Variants in ACACB observed in about 807,000 individuals in gnomAD.
ACACB encodes the protein acetyl-CoA carboxylase beta.
In ACACB, 209 loss-of-function variants were observed where a neutral mutation model predicts 278.8. The observed-to-expected ratio is 0.75, with a 90% CI of 0.67 to 0.84. The LOEUF (loss-of-function observed/expected upper bound fraction) is 0.84, where lower values mean the gene tolerates loss of function less well. Among genes scored for constraint, ACACB ranks in the 40% least tolerant of loss-of-function variants. The pLI, the probability that ACACB is intolerant of heterozygous loss-of-function variation, is 0.00. For missense variants in ACACB, 2,850 were observed against 3,269.0 expected, an observed-to-expected ratio of 0.87 and a Z score of 3.13; for synonymous variants, 1,174 against 1,285.6, an observed-to-expected ratio of 0.91 and a Z score of 1.86.
chr12:109,246,530 G>C (rs983042525), intron 39 of ACACB, 82 bp downstream of exon 39: 10 of 1,526,906 alleles, frequency 6.5e-6, no homozygotes, highest in Admixed American at 3.8e-5. Context: ...ACCTGCAAGA[G>C]GTGAAAAAAA....
intron 19 of ACACB, among the ~76,000 whole-genome samples, chr12:109,202,709 A>T (rs958846274): frequency 6.6e-6 from 1 of 152,160 alleles, no homozygotes; most frequent in Non-Finnish European, 1.5e-5. Context: ...ACCAATATCG[A>T]TATATTAGGT....
intron 19 of ACACB, among the ~76,000 whole-genome samples, chr12:109,205,750 G>A (rs981023773): frequency 3.3e-5 from 5 of 152,124 alleles, no homozygotes; most frequent in South Asian, 2.1e-4. Context: ...CACCGTGCCC[G>A]GCCAAGTCAT....
At chr12:109,228,412 G>A (rs1455238467) in intron 28 of ACACB, among the ~76,000 whole-genome samples, 1 of 151,668 alleles carries the variant, frequency 6.6e-6, no homozygotes, top group African/African-American at 2.4e-5. Context: ...CTAGCACTTC[G>A]GAGGGCTGAA....
At chr12:109,155,861 G>A (rs977462681) in intron 2 of ACACB, among the ~76,000 whole-genome samples, 1 of 152,114 alleles carries the variant, frequency 6.6e-6, no homozygotes, top group Non-Finnish European at 1.5e-5. Flanking sequence ...TTATTGGACT[G>A]CAGCCTGCTC....
intron 27 of ACACB, among the ~76,000 whole-genome samples, chr12:109,226,964 T>A (rs74401255): frequency 2.0e-5 from 3 of 151,636 alleles, no homozygotes; most frequent in Non-Finnish European, 4.4e-5. Flanking sequence ...TTTTTTTTTT[T>A]AATTGAGGAA....
chr12:109,183,535 T>C (rs2044550546), intron 11 of ACACB, among the ~76,000 whole-genome samples: 1 of 152,226 alleles, frequency 6.6e-6, no homozygotes, highest in African/African-American at 2.4e-5. Context: ...TTTATTTTGT[T>C]TGTAGCTATC....
At chr12:109,191,449 A>G in intron 13 of ACACB, 164 bp from the exon 14 acceptor site, 1 of 735,896 alleles carries the variant, frequency 1.4e-6, no homozygotes, top group South Asian at 1.8e-5. Flanking sequence ...CCTGACCTCA[A>G]GTAATACACC....
Position 109,250,015 on chromosome 12 carries a change from G to T in ACACB, c.5701G>T (p.Asp1901Tyr). The T allele has an allele frequency of 6.2e-7, 1 of 1,613,582 alleles. No homozygotes were observed. The highest frequency in any genetic ancestry group is 8.5e-7 in the Non-Finnish European group (1 of 1,179,782). ...GATCACGGATATCATCGGGAAGGATGATGGCTTGGGCGTGGAGAATCTGAG... is the reference window on the plus strand; with the variant it reads ...GATCACGGATATCATCGGGAAGGATTATGGCTTGGGCGTGGAGAATCTGAG... ...YMITDIIGKD[D>Y]GLGVENLRGS... is the part of the protein sequence containing the mutation. Residue 1901 changes from aspartate (D) to tyrosine (Y), a missense_variant, in exon 41 of 53, where the codon GAT becomes TAT. Transcript: ENST00000338432.
intron 2 of ACACB, chr12:109,154,786 T>G (rs2043481305): frequency 6.5e-6 from 1 of 152,778 alleles, no homozygotes; most frequent in Non-Finnish European, 1.5e-5. Flanking sequence ...GGTCGCGACC[T>G]GGCTGTCCTG....
chr12:109,201,533 G>A lies in ACACB; in HGVS notation c.2779-34G>A, dbSNP rs549735330. On this transcript the variant is annotated intron_variant, in intron 18 of 52. Transcript: ENST00000338432. ...GGTGGCTCTGGGTGTCAATCCCGGT[G>A]GGCTCTGTACTATTTCTTCTTTTTA... The A allele has an allele frequency of 4.8e-4, 770 of 1,609,352 alleles. 14 individuals carry two copies. The South Asian group carries it at 8.1e-3, about 17-fold the overall frequency.
intron 2 of ACACB, among the ~76,000 whole-genome samples, chr12:109,163,134 A>T (rs914934196): frequency 7.2e-5 from 11 of 152,134 alleles, no homozygotes; most frequent in African/African-American, 2.7e-4. Context: ...CATGTTGTCC[A>T]TGCTGCTCTC....
rs1437363763 is a variant in ACACB, at chr12:109,242,552, G to A, written c.5138G>A (p.Gly1713Glu). The A allele has an allele frequency of 1.2e-6, 2 of 1,614,136 alleles. No homozygotes were observed. The highest frequency in any genetic ancestry group is 1.7e-5 in the Admixed American group (1 of 60,016). ...AAGCGATTCCAGGCCCAGACCCTGG[G>A]AACCACCTACATCTATGACTTCCCG... ...QAKRFQAQTL[G>E]TTYIYDFPEM... Residue 1713 changes from glycine to glutamate, a missense_variant, in exon 37 of 53, where the codon GGA becomes GAA. By Grantham distance (98) the Gly-to-Glu change is moderately conservative (BLOSUM62 -2). Coordinates refer to ENST00000338432, the MANE Select transcript of ACACB (RefSeq NM_001093.4).
In ACACB at chr12:109,180,030, G is replaced by A; in HGVS notation, c.1761G>A (p.Val587=). The change falls in exon 11 of 53, where the codon GTG becomes GTA. Residue 587 remains valine, a synonymous_variant. Transcript: ENST00000338432. ...TGGAGCTGAATCCTCGCTTGCAGGT[G>A]GAACATCCCTGCACAGAAATGATTG... ...HFLELNPRLQ[V]EHPCTEMIAD... is the part of the protein sequence containing the mutation. 6.2e-7 allele frequency: 1 copy of A among 1,613,312 alleles called. No individual in the cohort carries two copies. Among genetic ancestry groups the A allele is most frequent in the African/African-American group, 1.3e-5 (1 of 75,020 alleles).
chr12:109,186,639 A>G (rs915792922), intron 12 of ACACB, among the ~76,000 whole-genome samples: 46 of 152,058 alleles, frequency 3.0e-4, no homozygotes, highest in African/African-American at 1.0e-3. Flanking sequence ...CTACAACTTA[A>G]TTGCTTAATT....
intron 34 of ACACB, 81 bp downstream of exon 34, chr12:109,237,461 G>A (rs1032934081): frequency 1.1e-5 from 15 of 1,417,992 alleles, no homozygotes; most frequent in African/African-American, 2.8e-5. Context: ...CTGGGTCCTG[G>A]GCTGCATGCT....
chr12:109,146,448 G>A (rs2043244496), intron 2 of ACACB, among the ~76,000 whole-genome samples: 1 of 152,198 alleles, frequency 6.6e-6, no homozygotes, highest in South Asian at 2.1e-4. Flanking sequence ...TTCTGAAGCA[G>A]TCTTCAAGGG....
Position 109,185,563 on chromosome 12 carries a change from G to T in ACACB, c.1819-16G>T, listed in dbSNP as rs771986168. On this transcript the variant is annotated splice_polypyrimidine_tract_variant and intron_variant, in intron 11 of 52. Coordinates refer to ENST00000338432, the MANE Select transcript of ACACB (RefSeq NM_001093.4). Reference sequence around the variant, plus strand: ...GGTAGGACTGACAGTCTGTGGGTTGGATCTCTTGATTTTAGATCGCCATGG... The same window carrying T: ...GGTAGGACTGACAGTCTGTGGGTTGTATCTCTTGATTTTAGATCGCCATGG... 7 of 1,612,798 alleles carry T rather than the reference G, an allele frequency of 4.3e-6. No individual in the cohort carries two copies. In the African/African-American group the frequency reaches 8.0e-5, roughly 18 times the overall value.
intron 13 of ACACB, among the ~76,000 whole-genome samples, chr12:109,189,279 G>A (rs182675729): frequency 6.6e-6 from 1 of 152,176 alleles, no homozygotes; most frequent in African/African-American, 2.4e-5. Flanking sequence ...TTGATGATCA[G>A]GTTTTCTTTG....
chr12:109,186,653 A>G (rs1290469070), intron 12 of ACACB, among the ~76,000 whole-genome samples: 1 of 152,102 alleles, frequency 6.6e-6, no homozygotes. Flanking sequence ...CTTAATTATT[A>G]CCCTCAGGAA....
Sources: allele counts gnomAD v4.1 joint callset (sites outside exome capture counted in the v4.1 genomes callset), GRCh38; gene constraint gnomAD v4.1.1; transcripts MANE v1.5; gene names NCBI Gene and HGNC (gene_info 2026-07-23, HGNC 2026-07-21).